The following TSPAN14 variants were observed in gnomAD, a reference collection of about 807,000 sequenced individuals.
TSPAN14 encodes tetraspanin-14.
TSPAN14 carries 16 observed loss-of-function variants against 36.6 expected under a neutral mutation model. The ratio of observed to expected loss-of-function variants is 0.44; its 90% CI spans 0.30 to 0.66. The LOEUF is 0.66. Among genes scored for constraint, TSPAN14 ranks in the 30% least tolerant of loss-of-function variants. The pLI, the probability that TSPAN14 is intolerant of heterozygous loss-of-function variation, is 0.12. For synonymous variants in TSPAN14, 139 were observed against 143.8 expected (o/e 0.97, Z 0.24); for missense variants, 231 against 355.1 (o/e 0.65, Z 2.81).
At chr10:80,495,564 G>A (rs901877638) in intron 2 of TSPAN14, among the ~76,000 whole-genome samples, 6 of 152,124 alleles carry the variant, frequency 3.9e-5, no homozygotes, top group Non-Finnish European at 7.4e-5. Flanking sequence ...CTGAGGAAGG[G>A]ATGTTCAAGG....
chr10:80,511,704 G>A (rs988048180), intron 5 of TSPAN14, among the ~76,000 whole-genome samples: 4 of 93,128 alleles, frequency 4.3e-5, no homozygotes, highest in African/African-American at 1.8e-4. Context: ...ACATCAAAAG[G>A]GCAGGTCCTC....
chr10:80,498,954 T>G (rs1379750515), intron 2 of TSPAN14, among the ~76,000 whole-genome samples: 1 of 152,058 alleles, frequency 6.6e-6, no homozygotes, highest in African/African-American at 2.4e-5. Flanking sequence ...TCAGGCTGAG[T>G]CAGCGTGTGG....
intron 1 of TSPAN14, among the ~76,000 whole-genome samples, chr10:80,465,529 C>T (rs1384557282): frequency 6.6e-6 from 1 of 152,192 alleles, no homozygotes; most frequent in African/African-American, 2.4e-5. Context: ...CTGGCTGCAC[C>T]CCTAATTCCT....
At chr10:80,501,823 G>T (rs943741048) in intron 2 of TSPAN14, among the ~76,000 whole-genome samples, 1 of 152,212 alleles carries the variant, frequency 6.6e-6, no homozygotes, top group African/African-American at 2.4e-5. Flanking sequence ...GAAGGACCCA[G>T]GCAAGCACTG....
chr10:80,505,180 C>T (rs1840215755), intron 3 of TSPAN14, among the ~76,000 whole-genome samples: 1 of 152,232 alleles, frequency 6.6e-6, no homozygotes, highest in Non-Finnish European at 1.5e-5. Context: ...GGGAGCGGGG[C>T]TGGGTGACAT....
At chr10:80,480,161 T>C (rs1847171127) in intron 1 of TSPAN14, among the ~76,000 whole-genome samples, 1 of 151,404 alleles carries the variant, frequency 6.6e-6, no homozygotes, top group South Asian at 2.1e-4. Context: ...GAGACTTTGC[T>C]GAAGTTGCTT....
intron 1 of TSPAN14, among the ~76,000 whole-genome samples, chr10:80,482,308 A>G (rs1339519052): frequency 6.6e-6 from 1 of 152,188 alleles, no homozygotes; most frequent in East Asian, 1.9e-4. Context: ...TTTTTTTGAG[A>G]TGGAGTCTCG....
chr10:80,470,340 A>G (rs1418119944), intron 1 of TSPAN14, among the ~76,000 whole-genome samples: 1 of 152,136 alleles, frequency 6.6e-6, no homozygotes, highest in Middle Eastern at 3.2e-3. Context: ...CTGCCTCCCA[A>G]AGTGTTGGGA....
chr10:80,514,011 T>C lies in TSPAN14; in HGVS notation c.577-8T>C. 1 of 1,613,624 alleles carries C rather than the reference T, an allele frequency of 6.2e-7. No individual in the cohort carries two copies. Among genetic ancestry groups the C allele is most frequent in the Non-Finnish European group, 8.5e-7 (1 of 1,179,742 alleles). The stretch of plus-strand genomic sequence containing the variant: ...CAGAAGCAACTAATTTTTCTGCTTT[T>C]CTTGCAGCAAAAAGTTGTGAACACA... On this transcript the variant is annotated splice_polypyrimidine_tract_variant and splice_region_variant and intron_variant, in intron 6 of 8. Coordinates refer to ENST00000429989, the Ensembl canonical transcript of TSPAN14.
intron 5 of TSPAN14, among the ~76,000 whole-genome samples, chr10:80,511,061 C>G (rs1452859059): frequency 6.6e-6 from 1 of 152,126 alleles, no homozygotes; most frequent in Non-Finnish European, 1.5e-5. Flanking sequence ...AACCAGAAAT[C>G]ACTGTTGTCA....
chr10:80,468,861 G>A (rs1178375824), intron 1 of TSPAN14, among the ~76,000 whole-genome samples: 2 of 151,932 alleles, frequency 1.3e-5, no homozygotes, highest in African/African-American at 4.8e-5. Context: ...TGCCCGGCCT[G>A]AATGCACTTT....
chr10:80,487,968 C>T (rs1037211037), intron 1 of TSPAN14, among the ~76,000 whole-genome samples: 4 of 152,164 alleles, frequency 2.6e-5, no homozygotes, highest in Non-Finnish European at 5.9e-5. Flanking sequence ...CATTGCAGAC[C>T]AGCAGCCAGC....
exon 8 of TSPAN14, chr10:80,516,243 T>G: frequency 3.1e-6 from 5 of 1,614,252 alleles, no homozygotes; most frequent in Non-Finnish European, 4.2e-6. Flanking sequence ...CACGAAAGGC[T>G]GCATCCAGGC....
chr10:80,471,011 A>G (rs1462371495), intron 1 of TSPAN14, among the ~76,000 whole-genome samples: 2 of 152,054 alleles, frequency 1.3e-5, no homozygotes, highest in African/African-American at 4.8e-5. Context: ...TGCTGCCCTC[A>G]TCTAGTACAA....
chr10:80,489,540 G>A (rs1398297089), intron 2 of TSPAN14, among the ~76,000 whole-genome samples: 1 of 152,240 alleles, frequency 6.6e-6, no homozygotes, highest in South Asian at 2.1e-4. Context: ...CAGCCTTGGG[G>A]GTTCAGGAAG....
intron 1 of TSPAN14, among the ~76,000 whole-genome samples, chr10:80,483,651 A>G (rs1046492263): frequency 1.3e-5 from 2 of 152,062 alleles, no homozygotes; most frequent in African/African-American, 4.8e-5. Context: ...GCTTATGCCT[A>G]TAATCCCAGC....
chr10:80,490,921 G>A (rs1589271957), intron 2 of TSPAN14, among the ~76,000 whole-genome samples: 5 of 152,174 alleles, frequency 3.3e-5, no homozygotes, highest in Admixed American at 3.3e-4. Context: ...GAATATCTGT[G>A]TGGGGGTAGG....
chr10:80,465,681 A>T (rs191785948), intron 1 of TSPAN14, among the ~76,000 whole-genome samples: 668 of 152,330 alleles, frequency 4.4e-3, no homozygotes, highest in Non-Finnish European at 7.0e-3. Flanking sequence ...CACTAAAGAG[A>T]GAGAGAGTTA....
intron 2 of TSPAN14, among the ~76,000 whole-genome samples, chr10:80,492,148 A>G (rs994626924): frequency 1.3e-5 from 2 of 152,194 alleles, no homozygotes; most frequent in Admixed American, 6.5e-5. Context: ...CTGAAAATGT[A>G]TAAAGTGGAA....
Sources: gnomAD v4.1 joint callset for allele counts (sites outside exome capture counted in the v4.1 genomes callset) on GRCh38, gnomAD v4.1.1 for gene constraint, MANE v1.5 for transcripts, NCBI Gene and HGNC (gene_info 2026-07-23, HGNC 2026-07-21) for gene names.